Variants in KCNH1 observed in about 807,000 individuals in gnomAD.
KCNH1 encodes voltage-gated delayed rectifier potassium channel KCNH1.
In KCNH1, 27 loss-of-function variants were observed where a neutral mutation model predicts 69.2. The ratio of observed to expected loss-of-function variants is 0.39; its 90% CI spans 0.29 to 0.54. KCNH1 has a LOEUF of 0.54. Ranked by LOEUF, KCNH1 falls within the 20% of genes least tolerant of loss-of-function variation. KCNH1 has a pLI of 0.68. For synonymous variants in KCNH1, 456 were observed against 487.7 expected (o/e 0.93, Z 0.86); for missense variants, 798 against 1,261.6 (o/e 0.63, Z 5.57).
At chr1:211,033,794 T>C (rs1171878521) in intron 5 of KCNH1, among the ~76,000 whole-genome samples, 1 of 151,954 alleles carries the variant, frequency 6.6e-6, no homozygotes, top group East Asian at 1.9e-4. Context: ...GGGATAGCAT[T>C]AGGAGATATA....
chr1:210,941,599 C>T (rs552298739), intron 6 of KCNH1, among the ~76,000 whole-genome samples: 2 of 152,064 alleles, frequency 1.3e-5, no homozygotes, highest in East Asian at 1.9e-4. Flanking sequence ...CAAAGCTCTG[C>T]GAGGCAGAGC....
intron 6 of KCNH1, among the ~76,000 whole-genome samples, chr1:210,951,376 A>G (rs1688058920): frequency 6.6e-6 from 1 of 152,216 alleles, no homozygotes; most frequent in African/African-American, 2.4e-5. Context: ...TACTTATGCT[A>G]ATATATGTCA....
At chr1:210,869,421 A>T (rs1686185454) in intron 7 of KCNH1, among the ~76,000 whole-genome samples, 1 of 143,326 alleles carries the variant, frequency 7.0e-6, no homozygotes, top group African/African-American at 2.6e-5. Flanking sequence ...TTGTTTGTTA[A>T]TTCTATTTTC....
chr1:210,977,745 T>C (rs1362098859), intron 6 of KCNH1, among the ~76,000 whole-genome samples: 8 of 152,166 alleles, frequency 5.3e-5, no homozygotes, highest in Non-Finnish European at 8.8e-5. Context: ...CCTACCAACC[T>C]GAAAAAATGT....
At chr1:210,937,414 C>A (rs777122270) in intron 6 of KCNH1, among the ~76,000 whole-genome samples, 9 of 152,202 alleles carry the variant, frequency 5.9e-5, no homozygotes, top group Non-Finnish European at 1.3e-4. Flanking sequence ...CTTTTCCATG[C>A]AACTACAGTA....
chr1:210,806,817 A>T (rs1310535528), intron 7 of KCNH1, among the ~76,000 whole-genome samples: 969 of 25,900 alleles, frequency 0.037, 83 homozygotes, highest in African/African-American at 0.069. Flanking sequence ...CAAAAAAAAA[A>T]AAAAAAAAAA....
At chr1:210,968,154 G>A (rs1338888441) in intron 6 of KCNH1, among the ~76,000 whole-genome samples, 1 of 147,850 alleles carries the variant, frequency 6.8e-6, no homozygotes, top group Non-Finnish European at 1.5e-5. Context: ...TACTGAGAAT[G>A]ATGATTTCCA....
At chr1:210,739,770 A>G (rs1682971110) in intron 10 of KCNH1, among the ~76,000 whole-genome samples, 1 of 152,222 alleles carries the variant, frequency 6.6e-6, no homozygotes, top group Non-Finnish European at 1.5e-5. Flanking sequence ...GATATCTGCA[A>G]GTTTAGAAGT....
At chr1:210,752,283 G>GA (rs1180296066) in intron 10 of KCNH1, among the ~76,000 whole-genome samples, 1 of 152,150 alleles carries the variant, frequency 6.6e-6, no homozygotes, top group Admixed American at 6.5e-5. Context: ...TATAATGAAG[G>GA]AGAGTCCATA....
At chr1:211,016,726 T>C (rs1269414041) in intron 6 of KCNH1, among the ~76,000 whole-genome samples, 1 of 151,674 alleles carries the variant, frequency 6.6e-6, no homozygotes, top group Non-Finnish European at 1.5e-5. Flanking sequence ...CTGGCCAACA[T>C]GGTGAAACCC....
At chr1:210,896,428 C>T (rs1447016822) in intron 7 of KCNH1, among the ~76,000 whole-genome samples, 2 of 152,094 alleles carry the variant, frequency 1.3e-5, no homozygotes, top group East Asian at 1.9e-4. Context: ...TTGTGATAGA[C>T]GTAACATCAA....
At chr1:211,010,540 T>C (rs1179309666) in intron 6 of KCNH1, among the ~76,000 whole-genome samples, 2 of 152,200 alleles carry the variant, frequency 1.3e-5, no homozygotes, top group African/African-American at 2.4e-5. Flanking sequence ...TCATCCCTTA[T>C]AGCACAGCCC....
chr1:210,808,141 G>A (rs186019805), intron 7 of KCNH1, among the ~76,000 whole-genome samples: 2 of 152,294 alleles, frequency 1.3e-5, no homozygotes, highest in Admixed American at 6.5e-5. Context: ...TCTTTTTCCA[G>A]TGAGTCTGAC....
At chr1:210,773,234 C>T (rs1482135824) in intron 10 of KCNH1, among the ~76,000 whole-genome samples, 1 of 152,194 alleles carries the variant, frequency 6.6e-6, no homozygotes, top group Non-Finnish European at 1.5e-5. Context: ...GCACATTTCT[C>T]CACCACTGCC....
In KCNH1 at chr1:210,683,630, A is replaced by C; in HGVS notation, c.2621T>G (p.Leu874Arg). Residue 874 changes from leucine to arginine, a missense_variant, in exon 11 of 11, where the codon CTG (leucine) becomes CGG (arginine). Physicochemically the swap from Leu to Arg is moderately radical, Grantham distance 102. Coordinates refer to ENST00000271751, the MANE Select transcript of KCNH1 (RefSeq NM_172362.3). This position sits in a 1 kb window ranked among gnomAD's most constrained non-coding sequence, Gnocchi z 5.7. ...ERTKASGEAT[L>R]KKTDSCDSGI... is the part of the protein sequence containing the mutation. ...ACTGTCACACGAGTCTGTCTTCTTCAGTGTGGCCTCGCCTGACGCTTTTGT... is the reference window on the plus strand; with the variant it reads ...ACTGTCACACGAGTCTGTCTTCTTCCGTGTGGCCTCGCCTGACGCTTTTGT... The C allele has an allele frequency of 6.2e-7, 1 of 1,614,168 alleles. No individual in the cohort carries two copies. Among genetic ancestry groups the C allele is most frequent in the Non-Finnish European group, 8.5e-7 (1 of 1,180,038 alleles).
intron 1 of KCNH1, among the ~76,000 whole-genome samples, chr1:211,117,927 G>GAAA (rs760524278): frequency 1.3e-4 from 20 of 152,202 alleles, no homozygotes; most frequent in Non-Finnish European, 4.4e-5. Context: ...TCATGACCAT[G>GAAA]AAATATCACT....
intron 5 of KCNH1, among the ~76,000 whole-genome samples, chr1:211,026,392 A>AC (rs1689684605): frequency 6.6e-6 from 1 of 151,616 alleles, no homozygotes; most frequent in South Asian, 2.1e-4. Flanking sequence ...AAAAAAAAAA[A>AC]AAACAACCAC....
intron 10 of KCNH1, among the ~76,000 whole-genome samples, chr1:210,719,701 TAAAGTA>T (rs970756535): frequency 3.9e-5 from 6 of 152,150 alleles, no homozygotes; most frequent in African/African-American, 1.4e-4. Flanking sequence ...TCTCAGAACT[TAAAGTA>T]AAATAAAAAA....
At chr1:210,996,308 C>T (rs1689035647) in intron 6 of KCNH1, among the ~76,000 whole-genome samples, 1 of 152,194 alleles carries the variant, frequency 6.6e-6, no homozygotes, top group Non-Finnish European at 1.5e-5. Flanking sequence ...TTCCAACGGG[C>T]TTAAAAAACG....
Sources: allele counts gnomAD v4.1 joint callset (sites outside exome capture counted in the v4.1 genomes callset), GRCh38; gene constraint gnomAD v4.1.1; non-coding constraint Gnocchi (gnomAD v3.1); transcripts MANE v1.5; gene names NCBI Gene and HGNC (gene_info 2026-07-23, HGNC 2026-07-21).